Variants in KCNIP4 observed in about 807,000 individuals in gnomAD.
The protein encoded by KCNIP4 is potassium voltage-gated channel interacting protein 4.
KCNIP4 carries 12 observed loss-of-function variants against 34.0 expected under a neutral mutation model. The observed-to-expected ratio is 0.35, with a 90% CI of 0.23 to 0.57. KCNIP4 has a LOEUF of 0.57. Among genes scored for constraint, KCNIP4 ranks in the 20% least tolerant of loss-of-function variants. The pLI is 0.83. For synonymous variants in KCNIP4, 124 were observed against 102.2 expected, an observed-to-expected ratio of 1.21 and a Z score of -1.29; for missense variants, 238 against 311.7, an observed-to-expected ratio of 0.76 and a Z score of 1.78.
intron 1 of KCNIP4, among the ~76,000 whole-genome samples, chr4:21,306,151 T>C (rs763822648): frequency 3.9e-5 from 6 of 152,210 alleles, no homozygotes; most frequent in African/African-American, 7.2e-5. Flanking sequence ...GATTTGCAGG[T>C]GTAACACTAG....
chr4:20,758,817 T>C lies in KCNIP4; in HGVS notation c.358+4A>G, dbSNP rs1754702010. 1.2e-6 allele frequency: 2 copies of C among 1,609,236 alleles called. No individual in the cohort carries two copies. The highest frequency in any genetic ancestry group is 1.7e-5 in the Admixed American group (1 of 59,924). ...TATGTTAACAAGTCCACATTTGTACTTACCTCCCTGTGGAAAGAACTGCGA... is the reference window on the plus strand; with the variant it reads ...TATGTTAACAAGTCCACATTTGTACCTACCTCCCTGTGGAAAGAACTGCGA... On this transcript the variant is annotated splice_donor_region_variant and intron_variant, in intron 4 of 8. Transcript: ENST00000382152.
chr4:20,816,981 T>C (rs1269349454), intron 3 of KCNIP4, among the ~76,000 whole-genome samples: 1 of 151,990 alleles, frequency 6.6e-6, no homozygotes, highest in East Asian at 1.9e-4. Context: ...TTTTACAGAG[T>C]TGTAATTTAG....
intron 1 of KCNIP4, among the ~76,000 whole-genome samples, chr4:21,565,550 T>A (rs1222254175): frequency 6.6e-6 from 1 of 152,130 alleles, no homozygotes; most frequent in Non-Finnish European, 1.5e-5. Context: ...TATAGGTACA[T>A]TGAAATGGCA....
At chr4:21,636,975 G>A (rs1201646588) in intron 1 of KCNIP4, among the ~76,000 whole-genome samples, 1 of 152,112 alleles carries the variant, frequency 6.6e-6, no homozygotes, top group Non-Finnish European at 1.5e-5. Flanking sequence ...AATAGTTGTT[G>A]CCTGTTGTTT....
intron 1 of KCNIP4, among the ~76,000 whole-genome samples, chr4:21,223,165 G>A (rs944291938): frequency 7.9e-5 from 12 of 152,092 alleles, no homozygotes; most frequent in African/African-American, 2.9e-4. Flanking sequence ...TTATAAGTGG[G>A]AGGCAAGTGG....
intron 3 of KCNIP4, among the ~76,000 whole-genome samples, chr4:20,813,409 TG>T (rs1158465290): frequency 3.9e-5 from 6 of 152,138 alleles, no homozygotes; most frequent in African/African-American, 1.4e-4. Flanking sequence ...CAGATTTAAA[TG>T]TTTTATGAAG....
chr4:21,561,901 C>T (rs150086513), intron 1 of KCNIP4, among the ~76,000 whole-genome samples: 3,038 of 151,184 alleles, frequency 0.02, 60 homozygotes, highest in Middle Eastern at 0.061. Context: ...GGACCCTGTG[C>T]CCTGGCTCAA....
chr4:21,837,812 C>A (rs1294140922), intron 1 of KCNIP4, among the ~76,000 whole-genome samples: 1 of 151,978 alleles, frequency 6.6e-6, no homozygotes, highest in Non-Finnish European at 1.5e-5. Context: ...CCTGAATAAT[C>A]CAAGCTGATT....
chr4:21,177,156 A>C (rs907018456), intron 1 of KCNIP4, among the ~76,000 whole-genome samples: 1 of 152,164 alleles, frequency 6.6e-6, no homozygotes, highest in Admixed American at 6.5e-5. Flanking sequence ...ATAGGATTCA[A>C]ATCCCTGCAT....
chr4:20,931,724 T>C (rs1730491225), intron 1 of KCNIP4, among the ~76,000 whole-genome samples: 1 of 152,054 alleles, frequency 6.6e-6, no homozygotes, highest in Non-Finnish European at 1.5e-5. Context: ...TGTAGAATCT[T>C]AAAAAAGAAG....
At chr4:20,989,428 A>G (rs1451651831) in intron 1 of KCNIP4, among the ~76,000 whole-genome samples, 1 of 152,222 alleles carries the variant, frequency 6.6e-6, no homozygotes, top group African/African-American at 2.4e-5. Context: ...TGAATCCTCT[A>G]GCTTTTCATA....
At chr4:21,657,774 C>G (rs1432642636) in intron 1 of KCNIP4, among the ~76,000 whole-genome samples, 4 of 152,032 alleles carry the variant, frequency 2.6e-5, no homozygotes, top group Non-Finnish European at 5.9e-5. Flanking sequence ...TGTCTTTGAC[C>G]ATAATTTGAT....
At chr4:21,499,442 A>C (rs936086416) in intron 1 of KCNIP4, among the ~76,000 whole-genome samples, 1 of 152,118 alleles carries the variant, frequency 6.6e-6, no homozygotes, top group Non-Finnish European at 1.5e-5. Flanking sequence ...ATTACAATTC[A>C]AACTTAATGG....
chr4:20,742,258 A>T (rs1751299249), intron 5 of KCNIP4, among the ~76,000 whole-genome samples: 1 of 152,174 alleles, frequency 6.6e-6, no homozygotes. Context: ...CCTAGCAGAG[A>T]TACAACAAAA....
chr4:20,792,786 G>A (rs1435678629), intron 3 of KCNIP4, among the ~76,000 whole-genome samples: 1 of 152,038 alleles, frequency 6.6e-6, no homozygotes, highest in African/African-American at 2.4e-5. Context: ...ATTACAAAGA[G>A]AAATAGATGC....
chr4:21,043,563 T>A (rs1019137977), intron 1 of KCNIP4, among the ~76,000 whole-genome samples: 2 of 151,794 alleles, frequency 1.3e-5, no homozygotes, highest in African/African-American at 4.8e-5. Flanking sequence ...GGTCTCAAAC[T>A]CCTGACCTCA....
chr4:20,845,461 C>T (rs907336675), intron 3 of KCNIP4, among the ~76,000 whole-genome samples: 1 of 152,156 alleles, frequency 6.6e-6, no homozygotes, highest in Non-Finnish European at 1.5e-5. Flanking sequence ...CTTTCCACTG[C>T]TTACCCTAAT....
At chr4:21,795,259 T>C (rs1468706368) in intron 1 of KCNIP4, among the ~76,000 whole-genome samples, 1 of 152,088 alleles carries the variant, frequency 6.6e-6, no homozygotes, top group Admixed American at 6.6e-5. Context: ...TGTGAGGATG[T>C]GGTGAGGAGC....
intron 1 of KCNIP4, among the ~76,000 whole-genome samples, chr4:21,902,463 A>G (rs1727760086): frequency 2.0e-5 from 3 of 152,102 alleles, no homozygotes; most frequent in Admixed American, 2.0e-4. Flanking sequence ...GGTCTGAGAA[A>G]GAAAGATAAG....
Sources: allele counts gnomAD v4.1 joint callset (sites outside exome capture counted in the v4.1 genomes callset), GRCh38; gene constraint gnomAD v4.1.1; transcripts MANE v1.5; gene names NCBI Gene and HGNC (gene_info 2026-07-23, HGNC 2026-07-21).